The following CAMTA1 variants were observed in gnomAD, a reference collection of about 807,000 sequenced individuals.
CAMTA1 encodes the protein calmodulin-binding transcription activator 1.
CAMTA1 carries 27 observed loss-of-function variants against 170.9 expected under a neutral mutation model. The ratio of observed to expected loss-of-function variants is 0.16; its 90% confidence interval spans 0.12 to 0.22. CAMTA1 has a LOEUF of 0.22. Ranked by LOEUF, CAMTA1 falls within the 10% of genes least tolerant of loss-of-function variation. The pLI is 1.00. For missense variants in CAMTA1, 1,619 were observed against 2,217.2 expected (o/e 0.73, Z 5.42); for synonymous variants, 833 against 891.5 (o/e 0.93, Z 1.17).
chr1:7,626,636 C>T (rs979050446), intron 6 of CAMTA1, among the ~76,000 whole-genome samples: 1 of 152,166 alleles, frequency 6.6e-6, no homozygotes, highest in African/African-American at 2.4e-5. Flanking sequence ...AGGTTCTGAA[C>T]ATCAGGAAGA....
intron 3 of CAMTA1, among the ~76,000 whole-genome samples, chr1:7,052,275 G>A (rs1028740160): frequency 3.4e-5 from 5 of 147,556 alleles, no homozygotes; most frequent in East Asian, 2.0e-4. Context: ...GTGGTGTTTC[G>A]TGTCGTTCTC....
In CAMTA1 at chr1:6,891,708, AAG is replaced by A. The variant is rs1674527923; in HGVS notation, c.234+66500_234+66501del. ...AGTTTTTTATCTTCAGAAATAAGGAAAGAAGCTTATTGGACTTCCCAATAGAA... is the reference window on the plus strand; with the variant it reads ...AGTTTTTTATCTTCAGAAATAAGGAAAAGCTTATTGGACTTCCCAATAGAA... On this transcript the variant is annotated intron_variant, in intron 3 of 22. Transcript: ENST00000303635. 2.6e-5 allele frequency among the ~76,000 whole-genome samples: 4 copies of A among 152,234 alleles called. No homozygotes were observed. The South Asian group carries it at 8.3e-4, about 32-fold the overall frequency.
chr1:7,523,660 C>G (rs568297729), intron 6 of CAMTA1, among the ~76,000 whole-genome samples: 32 of 151,484 alleles, frequency 2.1e-4, no homozygotes, highest in African/African-American at 7.3e-4. Flanking sequence ...AGGCGGATCA[C>G]AAGCTCAGGA....
Position 6,971,545 on chromosome 1 carries a change from A to G in CAMTA1, c.235-119759A>G, listed in dbSNP as rs888977636. Among the ~76,000 whole-genome samples, 5 of 152,194 alleles carry G rather than the reference A, an allele frequency of 3.3e-5. No homozygotes were observed. Among genetic ancestry groups the G allele is most frequent in the African/African-American group, 1.2e-4 (5 of 41,536 alleles). ...TTGTCTTTGGAGTTGCTCAGGGGCC[A>G]AAGTGCCTTCTGGGTAAGTCTCTAA... is the stretch of plus-strand genomic sequence containing the variant. On this transcript the variant is annotated intron_variant, in intron 3 of 22. Transcript: ENST00000303635. The surrounding 1 kb of genome is among the most constrained non-coding windows in gnomAD (Gnocchi z 4.6).
chr1:7,276,302 T>TATA (rs1249165240), intron 5 of CAMTA1, among the ~76,000 whole-genome samples: 2 of 13,676 alleles, frequency 1.5e-4, no homozygotes, highest in African/African-American at 5.0e-4. Flanking sequence ...TATATATATA[T>TATA]ATTTTTTTTT....
intron 5 of CAMTA1, among the ~76,000 whole-genome samples, chr1:7,428,098 G>T (rs958219374): frequency 1.6e-4 from 25 of 152,104 alleles, no homozygotes; most frequent in African/African-American, 6.0e-4. Flanking sequence ...GAAAGGTTCT[G>T]GCCAGCACGC....
chr1:7,276,293 A>ATTTTT (rs1372402055), intron 5 of CAMTA1, among the ~76,000 whole-genome samples: 664 of 21,894 alleles, frequency 0.03, 18 homozygotes, highest in Middle Eastern at 0.042. Flanking sequence ...ATATATATAT[A>ATTTTT]TATATATATA....
intron 5 of CAMTA1, among the ~76,000 whole-genome samples, chr1:7,270,291 A>ATATATT (rs1336977888): frequency 4.5e-5 from 5 of 110,570 alleles, no homozygotes; most frequent in African/African-American, 1.7e-4. Flanking sequence ...ATATATATAT[A>ATATATT]TTTTTTTTTT....
intron 3 of CAMTA1, among the ~76,000 whole-genome samples, chr1:7,013,209 C>CTTTTTTTTTTTTTTTTTTT (rs969077771): frequency 1.2e-5 from 1 of 84,194 alleles, no homozygotes; most frequent in East Asian, 3.5e-4. Flanking sequence ...TGCCCTTCTT[C>CTTTTTTTTTTTTTTTTTTT]TTTTTTTTTT....
chr1:7,160,817 C>A, intron 4 of CAMTA1, among the ~76,000 whole-genome samples: 1 of 152,174 alleles, frequency 6.6e-6, no homozygotes, highest in Non-Finnish European at 1.5e-5. Flanking sequence ...CCTCTCTCCC[C>A]TGACATGCGT....
chr1:7,467,680 A>C (rs1008618735), intron 5 of CAMTA1, 150 bp from the exon 6 acceptor site: 7 of 770,750 alleles, frequency 9.1e-6, no homozygotes, highest in African/African-American at 8.5e-5. Flanking sequence ...TTAGTCTTGG[A>C]GCTGGAGCCA....
chr1:6,891,296 C>CAT (rs940694645), intron 3 of CAMTA1, among the ~76,000 whole-genome samples: 2 of 152,280 alleles, frequency 1.3e-5, no homozygotes, highest in East Asian at 1.9e-4. Flanking sequence ...GATGAGTTTT[C>CAT]ATATATATAA....
intron 6 of CAMTA1, among the ~76,000 whole-genome samples, chr1:7,587,493 G>T (rs115692233): frequency 0.029 from 4,471 of 152,200 alleles, 94 homozygotes; most frequent in Non-Finnish European, 0.043. Flanking sequence ...TATTTAAGAG[G>T]TTCTTCCCTT....
At chr1:7,737,637 C>T in intron 15 of CAMTA1, 67 bp downstream of exon 15, 1 of 1,398,880 alleles carries the variant, frequency 7.1e-7, no homozygotes, top group Admixed American at 2.2e-5. Flanking sequence ...TGCAGCTGCC[C>T]TCAGCAGAGT....
In CAMTA1 at chr1:6,791,230, C is replaced by G. The variant is rs959755897; in HGVS notation, c.45+5655C>G. Among the ~76,000 whole-genome samples the G allele has an allele frequency of 4.7e-5, 7 of 148,814 alleles. No individual in the cohort carries two copies. The East Asian group carries it at 1.4e-3, about 29-fold the overall frequency. On this transcript the variant is annotated intron_variant, in intron 1 of 22. Coordinates refer to ENST00000303635, the MANE Select transcript of CAMTA1 (RefSeq NM_015215.4). ...CACATAGAGAGGTTTCTTCACTGAC[C>G]TGTCATTATTATAAAAAAGTGTTTG...
intron 6 of CAMTA1, among the ~76,000 whole-genome samples, chr1:7,491,601 T>G (rs1273347321): frequency 2.0e-5 from 3 of 152,240 alleles, no homozygotes; most frequent in Non-Finnish European, 4.4e-5. Flanking sequence ...CGGTGATTTT[T>G]TTTTCTACTG....
intron 3 of CAMTA1, among the ~76,000 whole-genome samples, chr1:7,031,760 G>A (rs563965541): frequency 6.6e-6 from 1 of 152,112 alleles, no homozygotes; most frequent in East Asian, 1.9e-4. Context: ...CCAGGATGGT[G>A]TTGATCTCCT....
At chr1:7,452,016 G>A (rs1037598700) in intron 5 of CAMTA1, among the ~76,000 whole-genome samples, 1 of 152,248 alleles carries the variant, frequency 6.6e-6, no homozygotes, top group Admixed American at 6.5e-5. Flanking sequence ...CAGTGCTGAG[G>A]TTTGGACCTC....
In CAMTA1 at chr1:7,457,073, C is replaced by T. The variant is rs372750325; in HGVS notation, c.439-10757C>T. Among the ~76,000 whole-genome samples the T allele has an allele frequency of 4.3e-4, 64 of 149,850 alleles. No homozygotes were observed. The East Asian group carries it at 0.011, about 26-fold the overall frequency. On this transcript the variant is annotated intron_variant, in intron 5 of 22. Coordinates refer to ENST00000303635, the MANE Select transcript of CAMTA1 (RefSeq NM_015215.4). ...CCCCTGCGCCGCCGTGCCCCTCACC[C>T]GCCCCCTGCGCCAACGTGCCCCTCA... is the stretch of plus-strand genomic sequence containing the variant.
Sources: gnomAD v4.1 joint callset for allele counts (sites outside exome capture counted in the v4.1 genomes callset) on GRCh38, gnomAD v4.1.1 for gene constraint, Gnocchi (gnomAD v3.1) non-coding constraint, MANE v1.5 for transcripts, NCBI Gene and HGNC (gene_info 2026-07-23, HGNC 2026-07-21) for gene names.